ROCK2: variants seen among roughly 807,000 people sequenced by gnomAD.
ROCK2 encodes the protein rho-associated protein kinase 2.
Under a neutral mutation model 195.1 loss-of-function variants are expected in ROCK2, and 61 were observed. The observed-to-expected ratio is 0.31, with a 90% CI of 0.25 to 0.39. ROCK2 has a LOEUF of 0.39. ROCK2 is among the 10% of genes least tolerant of loss of function. The pLI is 1.00. For missense variants in ROCK2, 1,109 were observed against 1,637.4 expected (o/e 0.68, Z 5.57); for synonymous variants, 504 against 545.5 (o/e 0.92, Z 1.06).
chr2:11,255,233 A>AAAAAAAAAAAAC, intron 3 of ROCK2, among the ~76,000 whole-genome samples: 20 of 148,090 alleles, frequency 1.4e-4, no homozygotes, highest in African/African-American at 4.8e-4. Context: ...AAAAAAAAAA[A>AAAAAAAAAAAAC]AAAACTTGGG....
chr2:11,266,116 A>C (rs1473673346), intron 3 of ROCK2, among the ~76,000 whole-genome samples: 1 of 152,196 alleles, frequency 6.6e-6, no homozygotes, highest in Non-Finnish European at 1.5e-5. Context: ...GTCCCACTAA[A>C]AGGTTTTCAG....
Position 11,224,430 on chromosome 2 carries a change from A to G in ROCK2, c.899T>C (p.Val300Ala). ...GDTPFYADSLVGTYSKIMDHK... is the reference protein window; with the variant it reads ...GDTPFYADSLAGTYSKIMDHK... ...ATCCATAATTTTGCTATATGTTCCT[A>G]CAAGTGAATCCGCATAAAATGGAGT... is the stretch of plus-strand genomic sequence containing the variant. The change falls in exon 7 of 33, where the codon GTA becomes GCA. Residue 300 changes from valine to alanine, a missense_variant. Coordinates refer to ENST00000315872, the MANE Select transcript of ROCK2 (RefSeq NM_004850.5). 2.5e-6 allele frequency: 4 copies of G among 1,612,474 alleles called. No homozygotes were observed. Among genetic ancestry groups the G allele is most frequent in the Non-Finnish European group, 3.4e-6 (4 of 1,179,118 alleles).
At chr2:11,338,911 C>CAA (rs35796085) in intron 1 of ROCK2, among the ~76,000 whole-genome samples, 4 of 131,418 alleles carry the variant, frequency 3.0e-5, no homozygotes, top group African/African-American at 5.9e-5. Flanking sequence ...ATCTTTACTG[C>CAA]AAAAAAAAAA....
rs372581505 is a variant in ROCK2 at position 11,301,635 on chromosome 2, A to T, written c.142-13899T>A. ...CTACTAAAAATACAAAAAATTAGCC[A>T]AGCGTGGTGGCAGGTGCCTGTAATT... On this transcript the variant is annotated intron_variant, in intron 1 of 32. Transcript: ENST00000315872. Among the ~76,000 whole-genome samples, 23 of 151,652 alleles carry T rather than the reference A, an allele frequency of 1.5e-4. No individual in the cohort carries two copies. In the East Asian group the frequency reaches 4.6e-3, roughly 30 times the overall value.
intron 32 of ROCK2, among the ~76,000 whole-genome samples, chr2:11,187,202 C>T (rs918132953): frequency 6.6e-6 from 1 of 152,194 alleles, no homozygotes; most frequent in Non-Finnish European, 1.5e-5. Flanking sequence ...TCTTCACTTT[C>T]CATGGTTTCA....
At chr2:11,323,887 T>C (rs1307019652) in intron 1 of ROCK2, among the ~76,000 whole-genome samples, 1 of 152,206 alleles carries the variant, frequency 6.6e-6, no homozygotes, top group Non-Finnish European at 1.5e-5. Flanking sequence ...TATTCATTCT[T>C]GGTACTGCAC....
intron 3 of ROCK2, among the ~76,000 whole-genome samples, chr2:11,252,414 C>T (rs1244276646): frequency 6.6e-6 from 1 of 151,528 alleles, no homozygotes; most frequent in Non-Finnish European, 1.5e-5. Context: ...AGATCTAGAA[C>T]CAGAAATACC....
intron 1 of ROCK2, among the ~76,000 whole-genome samples, chr2:11,323,672 T>G (rs1668464381): frequency 6.6e-6 from 1 of 152,166 alleles, no homozygotes; most frequent in Non-Finnish European, 1.5e-5. Flanking sequence ...AAGAACATGT[T>G]TTTTAAAAGA....
Position 11,246,409 on chromosome 2 carries a change from T to C in ROCK2, c.462+3252A>G, listed in dbSNP as rs1200863527. On this transcript the variant is annotated intron_variant, in intron 4 of 32. Transcript: ENST00000315872. ...TTAAATTTTTTTTTAATGCCAAAAC[T>C]AAACTAAGGTGTTTAGGGGTACACA... Among the ~76,000 whole-genome samples the C allele has an allele frequency of 2.0e-5, 3 of 151,918 alleles. No homozygotes were observed. In the East Asian group the frequency reaches 5.8e-4, roughly 29 times the overall value.
chr2:11,282,897 T>A (rs967419018), intron 3 of ROCK2, among the ~76,000 whole-genome samples: 4 of 151,830 alleles, frequency 2.6e-5, no homozygotes, highest in African/African-American at 9.7e-5. Context: ...CAAAGAACTC[T>A]CAAAACTAAA....
At chr2:11,332,711 T>C (rs1268304798) in intron 1 of ROCK2, among the ~76,000 whole-genome samples, 1 of 152,246 alleles carries the variant, frequency 6.6e-6, no homozygotes, top group Non-Finnish European at 1.5e-5. Flanking sequence ...AGCATAAATT[T>C]ACCATATGAC....
chr2:11,290,698 G>A (rs1360391717), intron 1 of ROCK2, among the ~76,000 whole-genome samples: 1 of 152,008 alleles, frequency 6.6e-6, no homozygotes, highest in East Asian at 1.9e-4. Flanking sequence ...TTGGATTTCA[G>A]GTCAGAAAGC....
At chr2:11,188,245 G>T (rs1484425671) in intron 32 of ROCK2, among the ~76,000 whole-genome samples, 1 of 151,816 alleles carries the variant, frequency 6.6e-6, no homozygotes, top group African/African-American at 2.4e-5. Context: ...CAGTAGCTGG[G>T]ATTACAGGCG....
At chr2:11,296,012 G>GAGAGAA (rs1182465296) in intron 1 of ROCK2, among the ~76,000 whole-genome samples, 1 of 88,046 alleles carries the variant, frequency 1.1e-5, no homozygotes, top group African/African-American at 4.4e-5. Flanking sequence ...AGAGGAGAGA[G>GAGAGAA]AGAGAGAGAG....
At position 11,201,232 on chromosome 2, in the gene ROCK2, A is replaced by G; in HGVS notation, c.2723+78T>C. 6.6e-7 allele frequency: 1 copy of G among 1,514,152 alleles called. No individual in the cohort carries two copies. The highest frequency in any genetic ancestry group is 9.0e-7 in the Non-Finnish European group (1 of 1,108,284). 93.8% of individuals were successfully genotyped at this position (1,514,152 alleles called of 1,614,324 possible). On this transcript the variant is annotated intron_variant, in intron 22 of 32. Coordinates refer to ENST00000315872, the MANE Select transcript of ROCK2 (RefSeq NM_004850.5). This position sits in a 1 kb window ranked among gnomAD's most constrained non-coding sequence, Gnocchi z 4.6. ...TAATTCACTTCATCAATAATTTTTT[A>G]TTTGGTGATTACCAGGCATTGTTCT... is the stretch of plus-strand genomic sequence containing the variant.
At chr2:11,186,318 C>T (rs1226575630) in intron 32 of ROCK2, among the ~76,000 whole-genome samples, 2 of 152,190 alleles carry the variant, frequency 1.3e-5, no homozygotes, top group Non-Finnish European at 2.9e-5. Context: ...CAAGCCTCAG[C>T]TTTAGCATAG....
chr2:11,194,641 T>C (rs1038356811), intron 28 of ROCK2, among the ~76,000 whole-genome samples: 3 of 152,028 alleles, frequency 2.0e-5, no homozygotes, highest in African/African-American at 7.2e-5. Flanking sequence ...ATAACATCAA[T>C]AATCATAGTA....
chr2:11,276,615 C>G (rs1666835465), intron 3 of ROCK2, among the ~76,000 whole-genome samples: 2 of 152,030 alleles, frequency 1.3e-5, no homozygotes, highest in Non-Finnish European at 2.9e-5. Context: ...CAATGCAAAC[C>G]CTGTAACTCC....
intron 27 of ROCK2, among the ~76,000 whole-genome samples, chr2:11,196,451 T>C (rs893081767): frequency 3.9e-5 from 6 of 152,364 alleles, no homozygotes; most frequent in African/African-American, 1.4e-4. Flanking sequence ...TTAAGCAATA[T>C]AATGTATTAC....
Sources: gnomAD v4.1 joint callset for allele counts (sites outside exome capture counted in the v4.1 genomes callset) on GRCh38, gnomAD v4.1.1 for gene constraint, Gnocchi (gnomAD v3.1) non-coding constraint, MANE v1.5 for transcripts, NCBI Gene and HGNC (gene_info 2026-07-23, HGNC 2026-07-21) for gene names.